MCPH1: variants seen among roughly 807,000 people sequenced by gnomAD.
MCPH1 encodes the protein microcephalin 1, also known as microcephalin.
Under a neutral mutation model 84.5 loss-of-function variants are expected in MCPH1, and 104 were observed. The observed-to-expected ratio is 1.23, with a 90% confidence interval of 1.05 to 1.45. The LOEUF (loss-of-function observed/expected upper bound fraction) is 1.45, where lower values mean the gene tolerates loss of function less well. MCPH1 is among the 40% of genes most tolerant of loss of function. The pLI, the probability that MCPH1 is intolerant of heterozygous loss-of-function variation, is 0.00. For synonymous variants in MCPH1, 514 were observed against 366.8 expected (o/e 1.40, Z -4.58); for missense variants, 1,498 against 1,005.7 (o/e 1.49, Z -6.62).
intron 12 of MCPH1, among the ~76,000 whole-genome samples, chr8:6,545,680 C>T (rs758279180): frequency 2.6e-5 from 4 of 152,110 alleles, no homozygotes; most frequent in African/African-American, 9.7e-5. Flanking sequence ...CATGTGGTTC[C>T]CATTAGTCTA....
chr8:6,611,877 C>CA (rs1261891737), intron 12 of MCPH1, among the ~76,000 whole-genome samples: 1 of 152,200 alleles, frequency 6.6e-6, no homozygotes. Flanking sequence ...CTCGGCCTCC[C>CA]AAAGTGCTGG....
At chr8:6,634,022 C>T (rs1276111095) in intron 13 of MCPH1, among the ~76,000 whole-genome samples, 1 of 152,098 alleles carries the variant, frequency 6.6e-6, no homozygotes, top group Non-Finnish European at 1.5e-5. Flanking sequence ...CCTGAAGAAA[C>T]AGAAGGATAC....
At chr8:6,445,744 C>CTTAT (rs757703232) in intron 8 of MCPH1, 197 bp downstream of exon 8, 5 of 1,381,580 alleles carry the variant, frequency 3.6e-6, no homozygotes, top group Non-Finnish European at 4.7e-6. Flanking sequence ...AACTTCTAGA[C>CTTAT]TTATTGGTTA....
Position 6,428,305 on chromosome 8 carries a change from C to T in MCPH1, c.234-3194C>T, listed in dbSNP as rs185322671. Among the ~76,000 whole-genome samples, 16 of 152,202 alleles carry T rather than the reference C, an allele frequency of 1.1e-4. No homozygotes were observed. In the East Asian group the frequency reaches 2.9e-3, roughly 28 times the overall value. The stretch of plus-strand genomic sequence containing the variant: ...AAAGACACACATTAGCCTGGGCCTA[C>T]ACAGGGTTAGGAACATCAGTATGTC... On this transcript the variant is annotated intron_variant, in intron 3 of 13. Coordinates refer to ENST00000344683, the MANE Select transcript of MCPH1 (RefSeq NM_024596.5).
At chr8:6,480,409 G>A (rs751641107) in intron 10 of MCPH1, among the ~76,000 whole-genome samples, 12 of 152,254 alleles carry the variant, frequency 7.9e-5, no homozygotes, top group Admixed American at 6.5e-4. Flanking sequence ...GTGAGCCACC[G>A]CGCCCAGCCA....
At chr8:6,606,898 A>G (rs1829822166) in intron 12 of MCPH1, among the ~76,000 whole-genome samples, 3 of 152,190 alleles carry the variant, frequency 2.0e-5, no homozygotes, top group African/African-American at 7.2e-5. Context: ...ACCATGTGAG[A>G]TGTGCCTTTC....
chr8:6,624,557 A>G (rs1279014055), intron 13 of MCPH1, among the ~76,000 whole-genome samples: 1 of 152,106 alleles, frequency 6.6e-6, no homozygotes, highest in East Asian at 1.9e-4. Flanking sequence ...CTCTTTGTGA[A>G]GTGAATTCCA....
chr8:6,597,904 AGGG>A (rs1829049881), intron 12 of MCPH1, among the ~76,000 whole-genome samples: 1 of 152,130 alleles, frequency 6.6e-6, no homozygotes, highest in Non-Finnish European at 1.5e-5. Flanking sequence ...AGCTCTCCAA[AGGG>A]AAGGGCAGAA....
At chr8:6,548,344 T>C (rs2129574659) in intron 12 of MCPH1, among the ~76,000 whole-genome samples, 1 of 152,340 alleles carries the variant, frequency 6.6e-6, no homozygotes, top group East Asian at 1.9e-4. Flanking sequence ...GCCACTTAGA[T>C]GCCTTTCATG....
intron 1 of MCPH1, 96 bp from the exon 2 acceptor site, chr8:6,409,183 C>T: frequency 9.6e-7 from 1 of 1,046,582 alleles, no homozygotes; most frequent in Non-Finnish European, 1.5e-6. Context: ...ACTGTGCCGG[C>T]CTCGGTTTAC....
intron 12 of MCPH1, among the ~76,000 whole-genome samples, chr8:6,617,899 T>G (rs569931402): frequency 2.9e-5 from 1 of 35,084 alleles, no homozygotes; most frequent in African/African-American, 9.6e-5. Context: ...TCTATCTATC[T>G]AATCTATCTA....
At chr8:6,522,472 T>C (rs1817545261) in intron 12 of MCPH1, among the ~76,000 whole-genome samples, 1 of 151,834 alleles carries the variant, frequency 6.6e-6, no homozygotes. Context: ...ATGAGGAAAT[T>C]GAAACTTAGG....
chr8:6,467,149 CT>C (rs1807084157), intron 9 of MCPH1, among the ~76,000 whole-genome samples: 1 of 151,930 alleles, frequency 6.6e-6, no homozygotes, highest in Non-Finnish European at 1.5e-5. Context: ...TTGGCATATC[CT>C]TTTGTGACTT....
At chr8:6,418,013 G>A (rs763525035) in intron 3 of MCPH1, among the ~76,000 whole-genome samples, 2 of 152,178 alleles carry the variant, frequency 1.3e-5, no homozygotes, top group African/African-American at 4.8e-5. Context: ...GCTTAGATGC[G>A]CCCTTTAAGC....
At chr8:6,593,085 T>TG (rs1449783581) in intron 12 of MCPH1, among the ~76,000 whole-genome samples, 1 of 148,280 alleles carries the variant, frequency 6.7e-6, no homozygotes, top group Non-Finnish European at 1.5e-5. Flanking sequence ...GGTGTGGTTT[T>TG]TTTTTTTTTT....
intron 12 of MCPH1, among the ~76,000 whole-genome samples, chr8:6,600,666 T>C (rs1372738384): frequency 6.6e-6 from 1 of 152,282 alleles, no homozygotes; most frequent in Non-Finnish European, 1.5e-5. Flanking sequence ...CTTAAGTTTT[T>C]AGTTTATTGA....
chr8:6,450,496 A>T (rs781155649), intron 8 of MCPH1, among the ~76,000 whole-genome samples: 4 of 149,348 alleles, frequency 2.7e-5, no homozygotes, highest in Non-Finnish European at 5.9e-5. Flanking sequence ...ACCTCCAGGG[A>T]TACCAGCCAC....
intron 9 of MCPH1, among the ~76,000 whole-genome samples, chr8:6,475,626 G>A (rs899117919): frequency 2.0e-5 from 3 of 152,196 alleles, no homozygotes; most frequent in East Asian, 1.9e-4. Flanking sequence ...AGTCGGGAGG[G>A]CAATGCTCTA....
rs201620002 is a variant in MCPH1 at position 6,501,008 on chromosome 8, A to C, written c.2214+1079A>C. 106 of 152,318 alleles carry C rather than the reference A, an allele frequency of 7.0e-4. 1 individual carries two copies. The highest frequency in any genetic ancestry group is 2.4e-3 in the African/African-American group (99 of 41,578). The allele number at this position is 152,318 out of a possible 1,614,324, so 9.4% of individuals were successfully genotyped here. A position where few individuals can be genotyped will look rare whatever the true frequency, so the allele number is the denominator to read the frequency against. On this transcript the variant is annotated intron_variant, in intron 12 of 13. Transcript: ENST00000344683. The stretch of plus-strand genomic sequence containing the variant: ...CTTGTTGTTGTCTTTCGAGGCTGTG[A>C]AATTTTCTTATTTTCAGTTGTTTTT...
Sources: gnomAD v4.1 joint callset for allele counts (sites outside exome capture counted in the v4.1 genomes callset) on GRCh38, gnomAD v4.1.1 for gene constraint, MANE v1.5 for transcripts, NCBI Gene and HGNC (gene_info 2026-07-23, HGNC 2026-07-21) for gene names.